Variants in SNU13 observed in about 807,000 individuals in gnomAD.
The protein encoded by SNU13 is small nuclear ribonucleoprotein 13, also known as NHP2-like protein 1.
A neutral mutation model predicts 12.4 loss-of-function variants in SNU13; 2 were observed. That is an observed-to-expected ratio of 0.16 (90% confidence interval 0.07 to 0.51). The LOEUF (loss-of-function observed/expected upper bound fraction) is 0.51. SNU13 is among the 20% of genes least tolerant of loss of function. The pLI, the probability that SNU13 is intolerant of heterozygous loss-of-function variation, is 0.96. For synonymous variants in SNU13, 68 were observed against 66.5 expected (o/e 1.02, Z -0.11); for missense variants, 66 against 157.8 (o/e 0.42, Z 3.12).
intron 1 of SNU13, among the ~76,000 whole-genome samples, chr22:41,683,157 C>T (rs1240472910): frequency 6.6e-6 from 1 of 152,068 alleles, no homozygotes; most frequent in Non-Finnish European, 1.5e-5. Flanking sequence ...CAACCACGCC[C>T]GGCTAATTTT....
At chr22:41,682,615 G>A (rs2068274837) in intron 1 of SNU13, 2 of 1,398,674 alleles carry the variant, frequency 1.4e-6, no homozygotes, top group Admixed American at 2.9e-5. Flanking sequence ...AAGGATGGAG[G>A]AGTTCTCTAA....
At chr22:41,684,897 A>G (rs2147140234) in intron 1 of SNU13, among the ~76,000 whole-genome samples, 1 of 152,226 alleles carries the variant, frequency 6.6e-6, no homozygotes, top group Admixed American at 6.6e-5. Flanking sequence ...GCTCACACCT[A>G]TAATCCCAGC....
Position 41,682,310 on chromosome 22 carries a change from C to T in SNU13, c.4-1946G>A, listed in dbSNP as rs767954796. On this transcript the variant is annotated intron_variant, in intron 1 of 2. Transcript: ENST00000401959. ...CGGGACCACGCTCGCGGCACCACAG[C>T]TCTCGGGAGGTGACCCGGAGATAAT... 2.5e-6 allele frequency: 4 copies of T among 1,571,836 alleles called. No homozygotes were observed. In the South Asian group the frequency reaches 4.4e-5, roughly 17 times the overall value.
chr22:41,675,133 G>A lies in SNU13; in HGVS notation c.187C>T (p.Leu63=), dbSNP rs747265711. 6.2e-7 allele frequency: 1 copy of A among 1,614,146 alleles called. No individual in the cohort carries two copies. Among genetic ancestry groups the A allele is most frequent in the South Asian group, 1.1e-5 (1 of 91,082 alleles). ...FIVMAADAEP[L]EIILHLPLLC... ...AGCGGCAGGTGCAGAATGATCTCCA[G>A]TGGCTCGGCGTCTGCAGCCATCACG... Residue 63 remains leucine, a synonymous_variant, in exon 3 of 3, where the codon CTG becomes TTG. Transcript: ENST00000401959.
chr22:41,680,462 T>C, intron 1 of SNU13, 98 bp from the exon 2 acceptor site: 1 of 1,318,574 alleles, frequency 7.6e-7, no homozygotes, highest in Non-Finnish European at 1.0e-6. Context: ...AGGGGGCAGC[T>C]GCCCTGCTCC....
At chr22:41,688,689 G>T in intron 1 of SNU13, 105 bp downstream of exon 1, 1 of 1,459,024 alleles carries the variant, frequency 6.9e-7, no homozygotes. Flanking sequence ...CCCAACGCCG[G>T]CGGATGAGAC....
rs1459109779 is a variant in SNU13 at position 41,674,010 on chromosome 22, C to A, written c.*923G>T. The A allele has an allele frequency of 6.6e-6, 1 of 152,208 alleles. No homozygotes were observed. The highest frequency in any genetic ancestry group is 2.4e-5 in the African/African-American group (1 of 41,452). The allele number at this position is 152,208 out of a possible 1,614,324, so 9.4% of individuals were successfully genotyped here. A position where few individuals can be genotyped will look rare whatever the true frequency, so the allele number is the denominator to read the frequency against. On this transcript the variant is annotated 3_prime_UTR_variant, in exon 3 of 3. Coordinates refer to ENST00000401959, the MANE Select transcript of SNU13 (RefSeq NM_001003796.2). ...ATGAACTAGCACTCTCCTCATGTGA[C>A]AGAGAGTACATCTGACCCACATGGT...
chr22:41,688,032 T>C (rs2068326271), intron 1 of SNU13: 1 of 152,172 alleles, frequency 6.6e-6, no homozygotes, highest in Admixed American at 6.5e-5. Context: ...TTACAAATTC[T>C]TCCCTCCTCA....
intron 1 of SNU13, among the ~76,000 whole-genome samples, chr22:41,681,779 G>A (rs997466051): frequency 2.0e-5 from 3 of 152,228 alleles, no homozygotes; most frequent in African/African-American, 7.2e-5. Flanking sequence ...TCGAGAGGCT[G>A]ACGCAGAATA....
chr22:41,678,707 G>A (rs2068235537), intron 2 of SNU13, among the ~76,000 whole-genome samples: 1 of 152,152 alleles, frequency 6.6e-6, no homozygotes, highest in Non-Finnish European at 1.5e-5. Flanking sequence ...GAGCTGGTGG[G>A]TCACCCTACA....
At chr22:41,687,265 T>C (rs1399163651) in intron 1 of SNU13, among the ~76,000 whole-genome samples, 1 of 152,206 alleles carries the variant, frequency 6.6e-6, no homozygotes, top group Non-Finnish European at 1.5e-5. Flanking sequence ...CCCTGTTGCA[T>C]GTTTTAAAAT....
At chr22:41,682,259 GT>G in intron 1 of SNU13, 5 of 1,369,060 alleles carry the variant, frequency 3.7e-6, no homozygotes, top group Non-Finnish European at 5.2e-6. Flanking sequence ...TCCTCCTTCC[GT>G]TTTTTTACAG....
At chr22:41,679,597 A>T (rs1044630859) in intron 2 of SNU13, 1 of 151,992 alleles carries the variant, frequency 6.6e-6, no homozygotes, top group Non-Finnish European at 1.5e-5. Context: ...TTAAAAAAAT[A>T]ATAATGAATA....
At chr22:41,686,243 T>G (rs6002438) in intron 1 of SNU13, among the ~76,000 whole-genome samples, 4,477 of 152,178 alleles carry the variant, frequency 0.029, 124 homozygotes, top group Admixed American at 0.062. Flanking sequence ...TTCCTTTCTC[T>G]GGATTTATCA....
At chr22:41,689,344 T>A (rs1480511161), upstream of SNU13, 1 of 122,546 alleles carries the variant, frequency 8.2e-6, no homozygotes, top group East Asian at 2.5e-4. Context: ...GCACTCCAGC[T>A]GAGGCGACAG....
At chr22:41,686,703 T>C (rs555594308) in intron 1 of SNU13, among the ~76,000 whole-genome samples, 1 of 151,182 alleles carries the variant, frequency 6.6e-6, no homozygotes. Context: ...CTCGGCTCAC[T>C]GCAAACACCG....
upstream of SNU13, chr22:41,689,132 C>G: frequency 1.9e-6 from 2 of 1,048,380 alleles, no homozygotes; most frequent in Middle Eastern, 4.5e-4. Flanking sequence ...GAGGCCGAGG[C>G]GGGCGCATCA....
Position 41,674,954 on chromosome 22 carries a change from G to A in SNU13, c.366C>T (p.Ser122=), listed in dbSNP as rs1242125610. The change falls in exon 3 of 3, where the codon TCC becomes TCT. Residue 122 remains serine, a synonymous_variant. Transcript: ENST00000401959. ...AGGTTTAGACTAAGAGCCTTTCAAT[G>A]GACTGCTGAATGGATTGGATCTGCT... ...LKQQIQSIQQ[S]IERLLV 5 of 1,613,886 alleles carry A rather than the reference G, an allele frequency of 3.1e-6. No individual in the cohort carries two copies. The highest frequency in any genetic ancestry group is 3.4e-6 in the Non-Finnish European group (4 of 1,179,928).
At chr22:41,690,162 C>T (rs923573090), upstream of SNU13, among the ~76,000 whole-genome samples, 2 of 152,072 alleles carry the variant, frequency 1.3e-5, no homozygotes, top group African/African-American at 4.8e-5. Context: ...AATTCCCCCA[C>T]AGGAAATCAG....
Sources: gnomAD v4.1 joint callset for allele counts (sites outside exome capture counted in the v4.1 genomes callset) on GRCh38, gnomAD v4.1.1 for gene constraint, MANE v1.5 for transcripts, NCBI Gene and HGNC (gene_info 2026-07-23, HGNC 2026-07-21) for gene names.